The following SGCD variants were observed in gnomAD, a reference collection of about 807,000 sequenced individuals.
SGCD encodes delta-sarcoglycan.
In SGCD, 18 loss-of-function variants were observed where a neutral mutation model predicts 36.6. The observed-to-expected ratio is 0.49, with a 90% CI of 0.34 to 0.73. The LOEUF (loss-of-function observed/expected upper bound fraction) is 0.73, where lower values mean the gene tolerates loss of function less well. SGCD is among the 30% of genes least tolerant of loss of function. The pLI is 0.01. For missense variants in SGCD, 387 were observed against 346.7 expected (o/e 1.12, Z -0.92); for synonymous variants, 133 against 130.6 (o/e 1.02, Z -0.12).
chr5:156,029,112 A>G (rs531256202), intron 1 of SGCD, among the ~76,000 whole-genome samples: 11 of 152,240 alleles, frequency 7.2e-5, no homozygotes, highest in African/African-American at 2.6e-4. Flanking sequence ...GAATTTGAAT[A>G]CAAACCGGTT....
chr5:156,017,913 A>G (rs539009692), intron 1 of SGCD, among the ~76,000 whole-genome samples: 3 of 152,326 alleles, frequency 2.0e-5, no homozygotes, highest in African/African-American at 7.2e-5. Context: ...TAATCCCAGC[A>G]CTTTGGGAGG....
intron 1 of SGCD, among the ~76,000 whole-genome samples, chr5:155,957,522 C>A (rs1343463722): frequency 6.6e-6 from 1 of 152,094 alleles, no homozygotes; most frequent in Non-Finnish European, 1.5e-5. Context: ...CTTTCAGAGG[C>A]TCTAGGGGAG....
rs1351529421 is a variant in SGCD, at chr5:155,885,513, T to C, written c.-282+15089T>C. Among the ~76,000 whole-genome samples, 3 of 145,070 alleles carry C rather than the reference T, an allele frequency of 2.1e-5. 1 individual carries two copies. The highest frequency in any genetic ancestry group is 4.5e-5 in the Non-Finnish European group (3 of 67,084). On this transcript the variant is annotated intron_variant, in intron 1 of 9. Coordinates refer to the SGCD transcript ENST00000517913. Reference sequence around the variant, plus strand: ...ACATACAGTCTTGTGCTTTTGCAAATGTATTATGAACAGAATGCTTATTTT... The same window carrying C: ...ACATACAGTCTTGTGCTTTTGCAAACGTATTATGAACAGAATGCTTATTTT...
chr5:156,595,073 A>G, intron 6 of SGCD, 22 bp downstream of exon 6: 1 of 1,598,858 alleles, frequency 6.3e-7, no homozygotes, highest in Non-Finnish European at 8.5e-7. Flanking sequence ...TGAATCATTT[A>G]ACTTGTTTGA....
chr5:156,672,057 C>T (rs767733134), intron 7 of SGCD, among the ~76,000 whole-genome samples: 56 of 152,220 alleles, frequency 3.7e-4, no homozygotes, highest in Admixed American at 2.0e-3. Context: ...TCACTGGGAG[C>T]CACATTTTAA....
intron 3 of SGCD, among the ~76,000 whole-genome samples, chr5:156,405,096 T>A (rs1163810445): frequency 5.9e-5 from 9 of 151,948 alleles, no homozygotes; most frequent in African/African-American, 2.2e-4. Flanking sequence ...AATCAGAGAG[T>A]GGACATGTGA....
chr5:156,109,782 G>T (rs2127598956), intron 1 of SGCD, among the ~76,000 whole-genome samples: 1 of 152,088 alleles, frequency 6.6e-6, no homozygotes, highest in Non-Finnish European at 1.5e-5. Flanking sequence ...ACAATGTCTT[G>T]TACTTACTTT....
chr5:156,699,165 T>C (rs1476884304), intron 7 of SGCD, among the ~76,000 whole-genome samples: 1 of 152,156 alleles, frequency 6.6e-6, no homozygotes, highest in Non-Finnish European at 1.5e-5. Flanking sequence ...GCAGAGACAC[T>C]TTTGTATGAG....
At chr5:156,467,270 A>T (rs929476246) in intron 3 of SGCD, among the ~76,000 whole-genome samples, 8 of 152,178 alleles carry the variant, frequency 5.3e-5, no homozygotes, top group African/African-American at 1.9e-4. Flanking sequence ...TCATTTAATT[A>T]TCTATAAAAT....
At chr5:156,160,251 A>C (rs1430601710) in intron 3 of SGCD, among the ~76,000 whole-genome samples, 2 of 151,632 alleles carry the variant, frequency 1.3e-5, no homozygotes, top group Non-Finnish European at 2.9e-5. Flanking sequence ...AGGCAATGAA[A>C]TTTATTTTTA....
intron 1 of SGCD, among the ~76,000 whole-genome samples, chr5:156,023,908 C>T (rs182867633): frequency 9.2e-5 from 14 of 152,288 alleles, no homozygotes; most frequent in East Asian, 1.9e-4. Flanking sequence ...CTGACTTTGA[C>T]GCTTCTCAAG....
At chr5:156,711,648 A>G (rs1392581678) in intron 7 of SGCD, among the ~76,000 whole-genome samples, 1 of 152,186 alleles carries the variant, frequency 6.6e-6, no homozygotes, top group Non-Finnish European at 1.5e-5. Flanking sequence ...GAGGGCTTTC[A>G]TCTAGTACAA....
intron 6 of SGCD, among the ~76,000 whole-genome samples, chr5:156,632,361 G>A (rs556679833): frequency 4.3e-4 from 66 of 152,142 alleles, no homozygotes; most frequent in Admixed American, 7.9e-4. Flanking sequence ...TCTAGTATCC[G>A]AAGGAAAGCT....
chr5:156,408,651 C>T (rs1772553137), intron 3 of SGCD, among the ~76,000 whole-genome samples: 1 of 152,128 alleles, frequency 6.6e-6, no homozygotes, highest in Non-Finnish European at 1.5e-5. Flanking sequence ...GAACCACCGC[C>T]CCCAGCCCCC....
intron 1 of SGCD, among the ~76,000 whole-genome samples, chr5:155,987,901 A>T (rs1216222988): frequency 2.0e-5 from 3 of 152,142 alleles, no homozygotes; most frequent in Non-Finnish European, 4.4e-5. Flanking sequence ...CAGTATGCTG[A>T]TAACAACAAT....
intron 7 of SGCD, among the ~76,000 whole-genome samples, chr5:156,716,847 T>A (rs1158171887): frequency 6.6e-6 from 1 of 151,972 alleles, no homozygotes; most frequent in Non-Finnish European, 1.5e-5. Flanking sequence ...TCGATAGGGG[T>A]GGAACAGAGA....
the SGCD span, among the ~76,000 whole-genome samples, chr5:155,831,784 G>A: frequency 2.4e-4 from 36 of 152,212 alleles, no homozygotes; most frequent in Non-Finnish European, 4.8e-4. Context: ...AGTCTGTAGG[G>A]AGAGCGGATA....
Position 156,681,166 on chromosome 5 carries a change from G to A in SGCD, c.575+33630G>A, listed in dbSNP as rs142571338. 2.8e-3 allele frequency among the ~76,000 whole-genome samples: 433 copies of A among 152,314 alleles called. 2 individuals are homozygous for A. The highest frequency in any genetic ancestry group is 3.6e-3 in the Non-Finnish European group (247 of 68,036). ...CTCGGCACCCAGGTTCTTGTCCGGC[G>A]TTCAGGAAGAATCAGGTCACACGAA... On this transcript the variant is annotated intron_variant, in intron 7 of 8. Transcript: ENST00000337851.
At chr5:155,841,123 G>A in the SGCD span, among the ~76,000 whole-genome samples, 1 of 151,572 alleles carries the variant, frequency 6.6e-6, no homozygotes, top group Non-Finnish European at 1.5e-5. Flanking sequence ...CAGGCCGAGG[G>A]AAAACTTCCC....
Sources: allele counts gnomAD v4.1 joint callset (sites outside exome capture counted in the v4.1 genomes callset), GRCh38; gene constraint gnomAD v4.1.1; transcripts MANE v1.5; gene names NCBI Gene and HGNC (gene_info 2026-07-23, HGNC 2026-07-21).